The following DAPK1 variants were observed in gnomAD, a reference collection of about 807,000 sequenced individuals.
The protein encoded by DAPK1 is death associated protein kinase 1, also known as death-associated protein kinase 1.
Under a neutral mutation model 144.9 loss-of-function variants are expected in DAPK1, and 56 were observed. The ratio of observed to expected loss-of-function variants is 0.39; its 90% CI spans 0.31 to 0.48. The LOEUF (loss-of-function observed/expected upper bound fraction) is 0.48. Among genes scored for constraint, DAPK1 ranks in the 20% least tolerant of loss-of-function variants. DAPK1 has a pLI of 0.95. For synonymous variants in DAPK1, 690 were observed against 749.0 expected (o/e 0.92, Z 1.29); for missense variants, 1,454 against 1,875.4 (o/e 0.78, Z 4.15).
rs897775452 is a variant in DAPK1 at position 87,525,749 on chromosome 9, C to T, written c.62+26610C>T. 1.9e-4 allele frequency among the ~76,000 whole-genome samples: 29 copies of T among 152,144 alleles called. 1 individual carries two copies. The highest frequency in any genetic ancestry group is 5.9e-5 in the Non-Finnish European group (4 of 68,044). On this transcript the variant is annotated intron_variant, in intron 2 of 25. Coordinates refer to ENST00000408954, the MANE Select transcript of DAPK1 (RefSeq NM_004938.4). ...CTGGCACTGTGGCCGCTCCCAGCTC[C>T]TCGCACCCAGCATGGGGCAGGTGCT...
chr9:87,527,638 T>C (rs536234089), intron 2 of DAPK1, among the ~76,000 whole-genome samples: 1 of 152,348 alleles, frequency 6.6e-6, no homozygotes, highest in African/African-American at 2.4e-5. Flanking sequence ...ATCACTTAAA[T>C]AGGTGTGTGT....
chr9:87,523,478 A>G (rs1170025812), intron 2 of DAPK1, among the ~76,000 whole-genome samples: 2 of 152,104 alleles, frequency 1.3e-5, no homozygotes, highest in Non-Finnish European at 2.9e-5. Context: ...TTAAAAATTT[A>G]TTGTAGAGAA....
intron 2 of DAPK1, among the ~76,000 whole-genome samples, chr9:87,533,010 A>C (rs563229144): frequency 6.6e-6 from 1 of 152,312 alleles, no homozygotes; most frequent in Non-Finnish European, 1.5e-5. Flanking sequence ...AAGGGTGTGG[A>C]ATATTTTCAT....
At position 87,651,724 on chromosome 9, in the gene DAPK1, G is replaced by A; in HGVS notation, c.1824G>A (p.Lys608=). 1.2e-6 allele frequency: 2 copies of A among 1,613,708 alleles called. No individual in the cohort carries two copies. The highest frequency in any genetic ancestry group is 1.7e-6 in the Non-Finnish European group (2 of 1,179,760). The change falls in exon 17 of 26, where the codon AAG becomes AAA. Residue 608 remains lysine, a splice_region_variant and synonymous_variant. Transcript: ENST00000408954. ...EANCNLDISN[K]YGRTPLHLAA... ...ACTGCAATTTGGACATCTCCAACAAGGTATGCACAGAGAACAGGATCCCTA... is the reference window on the plus strand; with the variant it reads ...ACTGCAATTTGGACATCTCCAACAAAGTATGCACAGAGAACAGGATCCCTA...
At position 87,632,024 on chromosome 9, in the gene DAPK1, GTATA is replaced by G. The variant is rs1018119522; in HGVS notation, c.285-5915_285-5912del. 2.4e-5 allele frequency: 19 copies of G among 781,676 alleles called. 1 individual carries two copies. The African/African-American group carries it at 3.3e-4, about 13-fold the overall frequency. 48.4% of individuals were successfully genotyped at this position (781,676 alleles called of 1,614,324 possible). ...TATATGTAGAGATGAAGGAGGATGA[GTATA>G]TATGTAGGGATGAAGGAGGATGAGT... is the stretch of plus-strand genomic sequence containing the variant. On this transcript the variant is annotated intron_variant, in intron 3 of 25. Transcript: ENST00000408954.
At chr9:87,591,023 A>T (rs1463724783) in intron 2 of DAPK1, among the ~76,000 whole-genome samples, 1 of 152,248 alleles carries the variant, frequency 6.6e-6, no homozygotes, top group Non-Finnish European at 1.5e-5. Context: ...TTACTTGATG[A>T]CTATGAAAAC....
chr9:87,697,147 C>A lies in DAPK1; in HGVS notation c.2554C>A (p.Gln852Lys). The change falls in exon 22 of 26, where the codon CAA (glutamine) becomes AAA (lysine). Residue 852 changes from glutamine to lysine, a missense_variant. This residue lies in a region of DAPK1 where 1,025 missense variants were observed against 1,237.9 expected (regional missense o/e 0.83). Coordinates refer to ENST00000408954, the MANE Select transcript of DAPK1 (RefSeq NM_004938.4). ...AGAGCCCTATGAGATCCAGCTGAAC[C>A]AAGTGATTTTCTGGCTCAGTTTCCT... ...LEEPYEIQLN[Q>K]VIFWLSFLKS... 1 of 1,584,488 alleles carries A rather than the reference C, an allele frequency of 6.3e-7. No homozygotes were observed. Among genetic ancestry groups the A allele is most frequent in the East Asian group, 2.2e-5 (1 of 44,736 alleles).
At chr9:87,507,550 G>A (rs1169798755) in intron 2 of DAPK1, among the ~76,000 whole-genome samples, 2 of 152,164 alleles carry the variant, frequency 1.3e-5, no homozygotes, top group Admixed American at 6.5e-5. Flanking sequence ...TGTTTCAGTT[G>A]TGAGCTTGAA....
intron 3 of DAPK1, among the ~76,000 whole-genome samples, chr9:87,636,983 C>T (rs188406041): frequency 1.0e-3 from 156 of 152,254 alleles, no homozygotes; most frequent in African/African-American, 3.6e-3. Context: ...TAGCCAATAG[C>T]TGGGGTGGGA....
intron 2 of DAPK1, among the ~76,000 whole-genome samples, chr9:87,603,467 T>A (rs889400203): frequency 7.9e-5 from 12 of 152,182 alleles, no homozygotes; most frequent in Admixed American, 2.6e-4. Flanking sequence ...ATGCAAAAAA[T>A]TTGACACGGC....
At position 87,545,102 on chromosome 9, in the gene DAPK1, C is replaced by A. The variant is rs140346696; in HGVS notation, c.62+45963C>A. Among the ~76,000 whole-genome samples, 214 of 152,288 alleles carry A rather than the reference C, an allele frequency of 1.4e-3. 1 individual carries two copies. Among genetic ancestry groups the A allele is most frequent in the African/African-American group, 5.0e-3 (207 of 41,558 alleles). On this transcript the variant is annotated intron_variant, in intron 2 of 25. Coordinates refer to ENST00000408954, the MANE Select transcript of DAPK1 (RefSeq NM_004938.4). ...ATCTGGAAGATTATCATCAGCTATCCCTGCACTTTGCAGCAAGTACAAAAC... is the reference window on the plus strand; with the variant it reads ...ATCTGGAAGATTATCATCAGCTATCACTGCACTTTGCAGCAAGTACAAAAC...
intron 25 of DAPK1, among the ~76,000 whole-genome samples, chr9:87,703,755 C>G (rs1825540125): frequency 6.6e-6 from 1 of 152,150 alleles, no homozygotes; most frequent in South Asian, 2.1e-4. Context: ...GCAAGCAATG[C>G]CCAGCAGAAA....
chr9:87,595,204 A>G (rs1322141870), intron 2 of DAPK1, among the ~76,000 whole-genome samples: 2 of 152,254 alleles, frequency 1.3e-5, no homozygotes, highest in Non-Finnish European at 2.9e-5. Context: ...TGTGGTTAAC[A>G]GCAACCCCAA....
intron 3 of DAPK1, among the ~76,000 whole-genome samples, chr9:87,620,325 C>T (rs549273870): frequency 2.7e-4 from 41 of 152,330 alleles, no homozygotes; most frequent in Middle Eastern, 6.8e-3. Context: ...CCTTTTCCAT[C>T]GCTTCCTCCT....
intron 17 of DAPK1, among the ~76,000 whole-genome samples, chr9:87,652,667 G>A (rs1358660644): frequency 1.4e-5 from 2 of 143,916 alleles, no homozygotes; most frequent in African/African-American, 2.6e-5. Context: ...CCATGCCCCC[G>A]ATCCTGGGTC....
intron 2 of DAPK1, among the ~76,000 whole-genome samples, chr9:87,526,269 C>T (rs1021040104): frequency 1.3e-5 from 2 of 152,216 alleles, no homozygotes; most frequent in South Asian, 2.1e-4. Flanking sequence ...GCAATCAGGA[C>T]GTATAATAGT....
At chr9:87,644,694 T>C (rs1830209117) in intron 11 of DAPK1, among the ~76,000 whole-genome samples, 1 of 152,182 alleles carries the variant, frequency 6.6e-6, no homozygotes, top group African/African-American at 2.4e-5. Context: ...GATTGCAAAT[T>C]GAAATCACTG....
intron 17 of DAPK1, among the ~76,000 whole-genome samples, chr9:87,656,145 G>C (rs1441035683): frequency 6.6e-6 from 1 of 152,212 alleles, no homozygotes; most frequent in African/African-American, 2.4e-5. Context: ...TCGAGGCTTT[G>C]ACAGATGGAG....
chr9:87,675,037 A>G (rs1312920801), intron 19 of DAPK1, among the ~76,000 whole-genome samples: 1 of 152,224 alleles, frequency 6.6e-6, no homozygotes, highest in Admixed American at 6.5e-5. Flanking sequence ...AGAAACCGAT[A>G]AGAAAAATGT....
Sources: gnomAD v4.1 joint callset for allele counts (sites outside exome capture counted in the v4.1 genomes callset) on GRCh38, gnomAD v4.1.1 for gene constraint, gnomAD v4.1.1 regional missense constraint, MANE v1.5 for transcripts, NCBI Gene and HGNC (gene_info 2026-07-23, HGNC 2026-07-21) for gene names.